BICD1: variants seen among roughly 807,000 people sequenced by gnomAD.
BICD1 encodes the protein protein bicaudal D homolog 1.
In BICD1, 35 loss-of-function variants were observed where a neutral mutation model predicts 92.5. The observed-to-expected ratio is 0.38, with a 90% confidence interval of 0.29 to 0.50. BICD1 has a LOEUF of 0.50. Ranked by LOEUF, BICD1 falls within the 20% of genes least tolerant of loss-of-function variation. BICD1 has a pLI of 0.93. For synonymous variants in BICD1, 429 were observed against 465.1 expected, an observed-to-expected ratio of 0.92 and a Z score of 1.00; for missense variants, 950 against 1,189.8, an observed-to-expected ratio of 0.80 and a Z score of 2.97.
intron 1 of BICD1, among the ~76,000 whole-genome samples, chr12:32,158,973 G>C (rs911519120): frequency 6.6e-6 from 1 of 151,890 alleles, no homozygotes; most frequent in African/African-American, 2.4e-5. Flanking sequence ...TCGCTCTGTC[G>C]CCCAGGCTGG....
chr12:32,150,023 A>ATG (rs1943243315), intron 1 of BICD1, among the ~76,000 whole-genome samples: 2 of 151,680 alleles, frequency 1.3e-5, no homozygotes, highest in Admixed American at 6.6e-5. Context: ...CCAAAGGTAC[A>ATG]TCTTACATGG....
At chr12:32,222,631 A>G (rs1316920580) in intron 2 of BICD1, among the ~76,000 whole-genome samples, 2 of 152,342 alleles carry the variant, frequency 1.3e-5, no homozygotes, top group South Asian at 2.1e-4. Flanking sequence ...TGAAGTTTTA[A>G]TACGATAGCT....
intron 1 of BICD1, among the ~76,000 whole-genome samples, chr12:32,142,453 C>CCCATCTATCTATCTAT (rs1555134301): frequency 8.9e-6 from 1 of 112,882 alleles, no homozygotes; most frequent in Non-Finnish European, 1.7e-5. Flanking sequence ...ACCTATCTAT[C>CCCATCTATCTATCTAT]CTATCTATCT....
chr12:32,224,438 A>G (rs1945624437), intron 2 of BICD1, among the ~76,000 whole-genome samples: 1 of 152,268 alleles, frequency 6.6e-6, no homozygotes, highest in Non-Finnish European at 1.5e-5. Flanking sequence ...CTTGCAGCGC[A>G]TATGCGATTC....
intron 1 of BICD1, among the ~76,000 whole-genome samples, chr12:32,117,705 TATATATACACAC>T (rs1941969764): frequency 7.0e-5 from 6 of 86,108 alleles, no homozygotes; most frequent in Admixed American, 2.9e-4. Flanking sequence ...TATACACAAA[TATATATACACAC>T]ACACACACAC....
intron 1 of BICD1, among the ~76,000 whole-genome samples, chr12:32,139,615 C>T (rs538376520): frequency 5.3e-5 from 8 of 152,174 alleles, no homozygotes; most frequent in South Asian, 2.1e-4. Context: ...CAGGCTGGAG[C>T]GCAGTGGTGC....
chr12:32,366,608 T>G (rs947944882), intron 8 of BICD1, among the ~76,000 whole-genome samples: 4 of 152,170 alleles, frequency 2.6e-5, no homozygotes, highest in Non-Finnish European at 5.9e-5. Context: ...ATTGCACCAT[T>G]GCACTCCAGC....
chr12:32,366,654 C>A (rs1465141693), intron 8 of BICD1, among the ~76,000 whole-genome samples: 1 of 152,124 alleles, frequency 6.6e-6, no homozygotes, highest in East Asian at 1.9e-4. Context: ...CTCAAATAAA[C>A]AAACAAACAA....
intron 1 of BICD1, among the ~76,000 whole-genome samples, chr12:32,147,002 T>C (rs1244238156): frequency 6.6e-6 from 1 of 151,882 alleles, no homozygotes; most frequent in Non-Finnish European, 1.5e-5. Context: ...TGTAGTGGTA[T>C]GATCATAGCT....
At position 32,293,978 on chromosome 12, in the gene BICD1, T is replaced by C. The variant is rs1331980945; in HGVS notation, c.427-16T>C. 1 of 1,609,028 alleles carries C rather than the reference T, an allele frequency of 6.2e-7. No homozygotes were observed. The highest frequency in any genetic ancestry group is 8.5e-7 in the Non-Finnish European group (1 of 1,178,052). ...ATAAGAGAGTTATATATTGACTGTT[T>C]ACTCTGTTGTTTCAGAACAATGAGA... On this transcript the variant is annotated splice_polypyrimidine_tract_variant and intron_variant, in intron 2 of 9. Coordinates refer to ENST00000652176, the MANE Select transcript of BICD1 (RefSeq NM_001714.4).
At chr12:32,146,910 C>A (rs1270586682) in intron 1 of BICD1, among the ~76,000 whole-genome samples, 2 of 138,476 alleles carry the variant, frequency 1.4e-5, no homozygotes, top group Non-Finnish European at 3.0e-5. Flanking sequence ...TCTTTCTCTT[C>A]TTCTTCCTTC....
intron 2 of BICD1, among the ~76,000 whole-genome samples, chr12:32,275,803 C>T (rs527494426): frequency 1.7e-4 from 26 of 152,224 alleles, no homozygotes; most frequent in Middle Eastern, 3.4e-3. Context: ...ATTGTTCCTG[C>T]ACGGCTAAGT....
intron 2 of BICD1, among the ~76,000 whole-genome samples, chr12:32,291,117 A>G (rs1485300929): frequency 1.3e-5 from 2 of 152,222 alleles, no homozygotes; most frequent in Non-Finnish European, 2.9e-5. Flanking sequence ...TCACATATGC[A>G]TAAACAGAAC....
intron 5 of BICD1, chr12:32,332,764 A>C (rs188487074): frequency 5.5e-6 from 4 of 728,814 alleles, no homozygotes; most frequent in East Asian, 1.3e-4. Flanking sequence ...GGAGGAAGTA[A>C]TTCCAGACAG....
At chr12:32,277,123 G>A (rs151089728) in intron 2 of BICD1, among the ~76,000 whole-genome samples, 1,803 of 152,330 alleles carry the variant, frequency 0.012, 18 homozygotes, top group Middle Eastern at 0.041. Flanking sequence ...GCCAGGCACG[G>A]TGGCTCACTC....
chr12:32,178,265 G>A lies in BICD1; in HGVS notation c.214-37982G>A, dbSNP rs1017621327. ...TCATTCATAACATGAAGAGATCACC[G>A]TTGAACACAGTCCATAGGAAAGTAA... On this transcript the variant is annotated intron_variant, in intron 1 of 9. Coordinates refer to ENST00000652176, the MANE Select transcript of BICD1 (RefSeq NM_001714.4). 2.6e-5 allele frequency among the ~76,000 whole-genome samples: 4 copies of A among 151,948 alleles called. 1 individual carries two copies. Among genetic ancestry groups the A allele is most frequent in the African/African-American group, 4.8e-5 (2 of 41,414 alleles).
chr12:32,118,562 A>G (rs1942033998), intron 1 of BICD1, among the ~76,000 whole-genome samples: 1 of 152,234 alleles, frequency 6.6e-6, no homozygotes, highest in Non-Finnish European at 1.5e-5. Context: ...ACAGCTATTT[A>G]CATAGCATTT....
chr12:32,205,614 G>T (rs563384430), intron 1 of BICD1, among the ~76,000 whole-genome samples: 1 of 148,062 alleles, frequency 6.8e-6, no homozygotes, highest in South Asian at 2.1e-4. Flanking sequence ...ATTGAGGCTT[G>T]TACTTTGTGC....
In BICD1 at chr12:32,334,373, C is replaced by T. The variant is rs1313920051; in HGVS notation, c.2101-143C>T. On this transcript the variant is annotated intron_variant, in intron 5 of 9. Transcript: ENST00000652176. ...AAGAAAAACTTCCCTGTGTCCAAAG[C>T]GCATACCTATGTTTATATAAAATGT... The T allele has an allele frequency of 5.6e-5, 47 of 831,984 alleles. 1 individual carries two copies. The highest frequency in any genetic ancestry group is 1.1e-4 in the Admixed American group (3 of 27,066). 51.5% of individuals were successfully genotyped at this position (831,984 alleles called of 1,614,324 possible). A position where few individuals can be genotyped will look rare whatever the true frequency, so the allele number is the denominator to read the frequency against.
Sources: allele counts gnomAD v4.1 joint callset (sites outside exome capture counted in the v4.1 genomes callset), GRCh38; gene constraint gnomAD v4.1.1; transcripts MANE v1.5; gene names NCBI Gene and HGNC (gene_info 2026-07-23, HGNC 2026-07-21).